RIPOR1: variants seen among roughly 807,000 people sequenced by gnomAD.
RIPOR1 encodes RHO family interacting cell polarization regulator 1, also known as rho family-interacting cell polarization regulator 1.
A neutral mutation model predicts 116.5 loss-of-function variants in RIPOR1; 58 were observed. The observed-to-expected ratio is 0.50, with a 90% CI of 0.40 to 0.62. RIPOR1 has a LOEUF of 0.62. RIPOR1 is among the 20% of genes least tolerant of loss of function. RIPOR1 has a pLI of 0.00. For synonymous variants in RIPOR1, 605 were observed against 650.0 expected, an observed-to-expected ratio of 0.93 and a Z score of 1.05; for missense variants, 1,372 against 1,586.2, an observed-to-expected ratio of 0.86 and a Z score of 2.29.
Position 67,540,802 on chromosome 16 carries a change from C to T in RIPOR1, c.801+98C>T, listed in dbSNP as rs2050958700. On this transcript the variant is annotated intron_variant, in intron 10 of 21. Coordinates refer to ENST00000042381, the MANE Select transcript of RIPOR1 (RefSeq NM_024519.4). This position sits in a 1 kb window ranked among gnomAD's most constrained non-coding sequence, Gnocchi z 4.7. ...CCTTACTCCTGTGATCCCCTCATAG[C>T]TCCATAGCCCTGTGAAGATATGATT... is the stretch of plus-strand genomic sequence containing the variant. 1 of 1,201,398 alleles carries T rather than the reference C, an allele frequency of 8.3e-7. No individual in the cohort carries two copies. Among genetic ancestry groups the T allele is most frequent in the Non-Finnish European group, 1.2e-6 (1 of 847,316 alleles). The allele number at this position is 1,201,398 out of a possible 1,614,324, so 74.4% of individuals were successfully genotyped here.
rs1176579384 is a variant in RIPOR1 at position 67,546,641 on chromosome 16, T to C, written c.*178T>C. 1 of 602,346 alleles carries C rather than the reference T, an allele frequency of 1.7e-6. No individual in the cohort carries two copies. Among genetic ancestry groups the C allele is most frequent in the African/African-American group, 1.9e-5 (1 of 53,932 alleles). 37.3% of individuals were successfully genotyped at this position (602,346 alleles called of 1,614,324 possible). ...TGGAGAGTCAGTGCCTGCAGTCAAG[T>C]GCCTCCCAGCCTCGGCTCAGCACAT... On this transcript the variant is annotated 3_prime_UTR_variant, in exon 22 of 22. Transcript: ENST00000042381.
At chr16:67,525,434 C>A (rs552940217), upstream of RIPOR1, among the ~76,000 whole-genome samples, 1 of 151,982 alleles carries the variant, frequency 6.6e-6, no homozygotes. Flanking sequence ...CAGTCCAGGG[C>A]AAGCTTCTAT....
intron 2 of RIPOR1, 29 bp from the exon 3 acceptor site, chr16:67,538,643 C>T (rs958032753): frequency 6.2e-7 from 1 of 1,611,156 alleles, no homozygotes; most frequent in South Asian, 1.1e-5. Flanking sequence ...CTCCTGCTCT[C>T]CTCTTTCTGA....
rs1375549022 is a variant in RIPOR1 at position 67,531,410 on chromosome 16, C to A, written c.-24+2496C>A. On this transcript the variant is annotated intron_variant, in intron 1 of 21. Coordinates refer to ENST00000042381, the MANE Select transcript of RIPOR1 (RefSeq NM_024519.4). This position sits in a 1 kb window ranked among gnomAD's most constrained non-coding sequence, Gnocchi z 4.2. ...TGCCCCAGGTCTCACAAGGTTCAGT[C>A]TGGTGGGAAGACAGGCCCTAAAGGA... 1.4e-5 allele frequency: 4 copies of A among 296,064 alleles called. No homozygotes were observed. Among genetic ancestry groups the A allele is most frequent in the East Asian group, 1.0e-4 (1 of 9,540 alleles). The allele number at this position is 296,064 out of a possible 1,614,324, so 18.3% of individuals were successfully genotyped here. A position where few individuals can be genotyped will look rare whatever the true frequency, so the allele number is the denominator to read the frequency against.
upstream of RIPOR1, among the ~76,000 whole-genome samples, chr16:67,524,809 T>C (rs908653180): frequency 1.3e-5 from 2 of 152,212 alleles, no homozygotes; most frequent in Non-Finnish European, 2.9e-5. Flanking sequence ...GCCCCTACCC[T>C]GGCCCAGGCC....
Position 67,529,202 on chromosome 16 carries a change from T to C in RIPOR1, c.-24+288T>C, listed in dbSNP as rs1597616698. 1 of 152,448 alleles carries C rather than the reference T, an allele frequency of 6.6e-6. No individual in the cohort carries two copies. The allele number at this position is 152,448 out of a possible 1,614,324, so 9.4% of individuals were successfully genotyped here. ...CGGCCGGTGCCCCGGGGCGCTGGGA[T>C]GGGCCAGGCCAGAGAGCGGGCTCAA... is the stretch of plus-strand genomic sequence containing the variant. On this transcript the variant is annotated intron_variant, in intron 1 of 21. Transcript: ENST00000042381. The surrounding 1 kb of genome is among the most constrained non-coding windows in gnomAD (Gnocchi z 4.1).
chr16:67,541,258 C>CA lies in RIPOR1; in HGVS notation c.802-171dup, dbSNP rs2050973146. 4 of 481,376 alleles carry CA rather than the reference C, an allele frequency of 8.3e-6. No homozygotes were observed. The highest frequency in any genetic ancestry group is 1.4e-5 in the Non-Finnish European group (4 of 280,064). The allele number at this position is 481,376 out of a possible 1,614,324, so 29.8% of individuals were successfully genotyped here. A position where few individuals can be genotyped will look rare whatever the true frequency, so the allele number is the denominator to read the frequency against. On this transcript the variant is annotated intron_variant, in intron 10 of 21. Coordinates refer to ENST00000042381, the MANE Select transcript of RIPOR1 (RefSeq NM_024519.4). This position sits in a 1 kb window ranked among gnomAD's most constrained non-coding sequence, Gnocchi z 4.6. The stretch of plus-strand genomic sequence containing the variant: ...ATTTTTTTTTTTTTTTTTTTTGAGA[C>CA]AGAGTCTTGCCATGTTGCCCAAGCT...
chr16:67,537,062 G>A lies in RIPOR1; in HGVS notation c.-23-1362G>A, dbSNP rs2142495358. On this transcript the variant is annotated intron_variant, in intron 1 of 21. Transcript: ENST00000042381. This position sits in a 1 kb window ranked among gnomAD's most constrained non-coding sequence, Gnocchi z 4.6. The stretch of plus-strand genomic sequence containing the variant: ...CCTGAGTAGCTGGGATTACAGGCGC[G>A]CGTCACCATGTCCGGCTAATTTTTG... Among the ~76,000 whole-genome samples, 1 of 152,208 alleles carries A rather than the reference G, an allele frequency of 6.6e-6. No homozygotes were observed. Among genetic ancestry groups the A allele is most frequent in the Middle Eastern group, 3.4e-3 (1 of 294 alleles).
chr16:67,546,103 C>T, intron 20 of RIPOR1, 38 bp from the exon 21 acceptor site: 2 of 1,601,074 alleles, frequency 1.2e-6, no homozygotes, highest in South Asian at 1.1e-5. Flanking sequence ...CTCCCATCTG[C>T]TCCCCTGAGC....
chr16:67,529,801 C>A lies in RIPOR1; in HGVS notation c.-24+887C>A. The A allele has an allele frequency of 5.9e-6, 9 of 1,535,932 alleles. No homozygotes were observed. Among genetic ancestry groups the A allele is most frequent in the Non-Finnish European group, 7.8e-6 (9 of 1,146,888 alleles). Reference sequence around the variant, plus strand: ...CCCTGGGCCTGCCGCATTCGGCCAACGCACAGCATCTGAGGAGGGTTATGA... The same window carrying A: ...CCCTGGGCCTGCCGCATTCGGCCAAAGCACAGCATCTGAGGAGGGTTATGA... On this transcript the variant is annotated intron_variant, in intron 1 of 21. Transcript: ENST00000042381. This position sits in a 1 kb window ranked among gnomAD's most constrained non-coding sequence, Gnocchi z 4.1.
rs115260096 is a variant in RIPOR1, at chr16:67,537,212, C to T, written c.-23-1212C>T. Among the ~76,000 whole-genome samples the T allele has an allele frequency of 6.2e-3, 944 of 152,328 alleles. 6 individuals are homozygous for T. The highest frequency in any genetic ancestry group is 0.021 in the African/African-American group (875 of 41,574). On this transcript the variant is annotated intron_variant, in intron 1 of 21. Transcript: ENST00000042381. This position sits in a 1 kb window ranked among gnomAD's most constrained non-coding sequence, Gnocchi z 4.6. ...ACAGGCGTGAGCCACTGTGCCCGGC[C>T]TCAATAGCGACTCTTTAAGCCCCCT...
chr16:67,542,370 C>T lies in RIPOR1; in HGVS notation c.1584C>T (p.Asp528=). 2 of 1,613,962 alleles carry T rather than the reference C, an allele frequency of 1.2e-6. No individual in the cohort carries two copies. The highest frequency in any genetic ancestry group is 2.2e-5 in the South Asian group (2 of 91,076). The change falls in exon 13 of 22, where the codon GAC becomes GAT. Residue 528 remains aspartate (D), a synonymous_variant. Transcript: ENST00000042381. This position sits in a 1 kb window ranked among gnomAD's most constrained non-coding sequence, Gnocchi z 4.6. ...ACCCTGCCCCATCTGCACACCTAGA[C>T]TCAGTTCATAAGTCCACAGACTCTG... ...STDPAPSAHL[D]SVHKSTDSGP... is the part of the protein sequence containing the mutation.
At chr16:67,521,449 A>G (rs2050494175) in intron 1 of RIPOR1, among the ~76,000 whole-genome samples, 1 of 152,174 alleles carries the variant, frequency 6.6e-6, no homozygotes, top group East Asian at 1.9e-4. Flanking sequence ...TAAACTATGC[A>G]CCACACACTG....
chr16:67,542,756 C>T lies in RIPOR1; in HGVS notation c.1970C>T (p.Pro657Leu), dbSNP rs1364760924. 3.1e-6 allele frequency: 5 copies of T among 1,613,670 alleles called. No individual in the cohort carries two copies. The highest frequency in any genetic ancestry group is 4.2e-6 in the Non-Finnish European group (5 of 1,179,930). Residue 657 changes from proline (P) to leucine (L), a missense_variant, in exon 13 of 22, where the codon CCC becomes CTC. By Grantham distance (98) the Pro-to-Leu change is moderately conservative. Around this residue, in one of 3 missense-constraint regions of RIPOR1, gnomAD observed 1,005 missense variants for 1,144.7 expected, o/e 0.88. Transcript: ENST00000042381. The surrounding 1 kb of genome is among the most constrained non-coding windows in gnomAD (Gnocchi z 4.6). ...GMGLVQTATS[P>L]THPTTSPTHP... is the part of the protein sequence containing the mutation. Reference sequence around the variant, plus strand: ...GGCCTAGTCCAGACTGCCACAAGTCCCACCCATCCTACCACAAGCCCCACC... The same window carrying T: ...GGCCTAGTCCAGACTGCCACAAGTCTCACCCATCCTACCACAAGCCCCACC...
At chr16:67,528,087 G>A (rs979496536), upstream of RIPOR1, among the ~76,000 whole-genome samples, 1 of 152,050 alleles carries the variant, frequency 6.6e-6, no homozygotes, top group Non-Finnish European at 1.5e-5. Context: ...TTGATGGGAG[G>A]AGCGGGGGAG....
Position 67,537,428 on chromosome 16 carries a change from AG to A in RIPOR1, c.-23-994del. The A allele has an allele frequency of 8.1e-7, 1 of 1,238,896 alleles. No homozygotes were observed. The highest frequency in any genetic ancestry group is 1.0e-6 in the Non-Finnish European group (1 of 990,754). 76.7% of individuals were successfully genotyped at this position (1,238,896 alleles called of 1,614,324 possible). A position where few individuals can be genotyped will look rare whatever the true frequency, so the allele number is the denominator to read the frequency against. ...ATCCAGGCGGGCTGAGTCAGGCGGC[AG>A]GAACTGGGCGGGGGGCGGCGCCGGG... On this transcript the variant is annotated intron_variant, in intron 1 of 21. Transcript: ENST00000042381. The surrounding 1 kb of genome is among the most constrained non-coding windows in gnomAD (Gnocchi z 4.6).
intron 3 of RIPOR1, 33 bp from the exon 4 acceptor site, chr16:67,538,957 C>G: frequency 6.2e-7 from 1 of 1,612,996 alleles, no homozygotes; most frequent in South Asian, 1.1e-5. Flanking sequence ...GCTGGAGAGC[C>G]GAGTTCATTC....
rs1597640345 is a variant in RIPOR1, at chr16:67,539,110, T to C, written c.336+42T>C. 31 of 1,566,054 alleles carry C rather than the reference T, an allele frequency of 2.0e-5. No homozygotes were observed. The East Asian group carries it at 6.8e-4, about 34-fold the overall frequency. ...ACGGATGCCCTTTGCCTCTTTGGTG[T>C]GGAGGGCTGGGCAAGGGCAGCCCTG... On this transcript the variant is annotated intron_variant, in intron 4 of 21. Transcript: ENST00000042381.
chr16:67,542,148 T>C lies in RIPOR1; in HGVS notation c.1362T>C (p.Ala454=), dbSNP rs549502189. The change falls in exon 13 of 22, where the codon GCT becomes GCC. Residue 454 remains alanine, a synonymous_variant. Transcript: ENST00000042381. This position sits in a 1 kb window ranked among gnomAD's most constrained non-coding sequence, Gnocchi z 4.6. ...YSRTLSHISE[A]SVDAALAEAS... Reference sequence around the variant, plus strand: ...GGACTCTGAGCCACATCAGTGAGGCTAGTGTAGATGCTGCCTTGGCTGAGG... The same window carrying C: ...GGACTCTGAGCCACATCAGTGAGGCCAGTGTAGATGCTGCCTTGGCTGAGG... 1.9e-6 allele frequency: 3 copies of C among 1,613,974 alleles called. No individual in the cohort carries two copies. In the South Asian group the frequency reaches 3.3e-5, roughly 18 times the overall value.
Sources: allele counts gnomAD v4.1 joint callset (sites outside exome capture counted in the v4.1 genomes callset), GRCh38; gene constraint gnomAD v4.1.1; regional missense constraint gnomAD v4.1.1; non-coding constraint Gnocchi (gnomAD v3.1); transcripts MANE v1.5; gene names NCBI Gene and HGNC (gene_info 2026-07-23, HGNC 2026-07-21).